The following VSNL1 variants were observed in gnomAD, a reference collection of about 807,000 sequenced individuals.
VSNL1 encodes visinin-like protein 1.
Under a neutral mutation model 20.4 loss-of-function variants are expected in VSNL1, and 6 were observed. That is an observed-to-expected ratio of 0.29 (90% CI 0.16 to 0.58). The LOEUF (loss-of-function observed/expected upper bound fraction) is 0.58. VSNL1 is among the 20% of genes least tolerant of loss of function. VSNL1 has a pLI of 0.90. For missense variants in VSNL1, 100 were observed against 234.5 expected, an observed-to-expected ratio of 0.43 and a Z score of 3.75; for synonymous variants, 93 against 86.4, an observed-to-expected ratio of 1.08 and a Z score of -0.42.
intron 1 of VSNL1, among the ~76,000 whole-genome samples, chr2:17,568,444 A>AT (rs1331855351): frequency 2.0e-5 from 3 of 152,138 alleles, no homozygotes; most frequent in East Asian, 3.9e-4. Context: ...GTATATACAT[A>AT]TTTTTTTAGT....
intron 2 of VSNL1, among the ~76,000 whole-genome samples, chr2:17,643,425 G>A (rs983061518): frequency 2.6e-5 from 4 of 152,258 alleles, no homozygotes; most frequent in Admixed American, 1.3e-4. Flanking sequence ...CAGCACAGCC[G>A]GCTTCAGGCA....
At chr2:17,601,880 G>A (rs1014711212) in intron 2 of VSNL1, among the ~76,000 whole-genome samples, 9 of 152,114 alleles carry the variant, frequency 5.9e-5, no homozygotes, top group African/African-American at 2.2e-4. Context: ...AGGTTGCAGT[G>A]AGCCGAGATT....
intron 2 of VSNL1, among the ~76,000 whole-genome samples, chr2:17,633,983 C>G (rs554691531): frequency 4.6e-5 from 7 of 152,096 alleles, no homozygotes; most frequent in Non-Finnish European, 8.8e-5. Flanking sequence ...TCCCATGGAT[C>G]GGCACCAGCT....
In VSNL1 at chr2:17,556,369, C is replaced by G. The variant is rs536811360; in HGVS notation, c.-6+15451C>G. Among the ~76,000 whole-genome samples the G allele has an allele frequency of 5.9e-5, 9 of 152,280 alleles. 1 individual carries two copies. In the South Asian group the frequency reaches 1.9e-3, roughly 32 times the overall value. ...TAAATTATTAAATATGCCAGTTCAT[C>G]ACTTCTTAAATCAATTGGATCATTA... On this transcript the variant is annotated intron_variant, in intron 1 of 3. Transcript: ENST00000295156.
At chr2:17,603,991 G>T (rs1030410921) in intron 2 of VSNL1, among the ~76,000 whole-genome samples, 2 of 152,158 alleles carry the variant, frequency 1.3e-5, no homozygotes, top group Admixed American at 6.5e-5. Flanking sequence ...CACCAGGGGG[G>T]TCAGCAGGTA....
In VSNL1 at chr2:17,555,511, A is replaced by G. The variant is rs189404568; in HGVS notation, c.-6+14593A>G. 3.6e-3 allele frequency among the ~76,000 whole-genome samples: 554 copies of G among 152,218 alleles called. 5 individuals carry two copies. Among genetic ancestry groups the G allele is most frequent in the Non-Finnish European group, 5.3e-3 (359 of 67,988 alleles). On this transcript the variant is annotated intron_variant, in intron 1 of 3. Transcript: ENST00000295156. ...CATAAATATCATCTTCATCATATCC[A>G]GTGGTAGTCTTCCTGAACAGTCTGT... is the stretch of plus-strand genomic sequence containing the variant.
In VSNL1 at chr2:17,656,895, C is replaced by G. The variant is rs139663193; in HGVS notation, c.*1501C>G. The stretch of plus-strand genomic sequence containing the variant: ...CACATATAGCTAGTGGCTTTAGTAA[C>G]AGACAGTTTAGTGCTATATTATTTA... On this transcript the variant is annotated 3_prime_UTR_variant, in exon 4 of 4. Coordinates refer to ENST00000295156, the MANE Select transcript of VSNL1 (RefSeq NM_003385.5). 1 of 152,196 alleles carries G rather than the reference C, an allele frequency of 6.6e-6. No homozygotes were observed. Among genetic ancestry groups the G allele is most frequent in the African/African-American group, 2.4e-5 (1 of 41,450 alleles). The allele number at this position is 152,196 out of a possible 1,614,324, so 9.4% of individuals were successfully genotyped here. A position where few individuals can be genotyped will look rare whatever the true frequency, so the allele number is the denominator to read the frequency against.
In VSNL1 at chr2:17,554,575, C is replaced by T. The variant is rs373298746; in HGVS notation, c.-6+13657C>T. 2.8e-3 allele frequency among the ~76,000 whole-genome samples: 429 copies of T among 152,010 alleles called. 5 individuals are homozygous for T. The South Asian group carries it at 0.039, about 14-fold the overall frequency. On this transcript the variant is annotated intron_variant, in intron 1 of 3. Coordinates refer to ENST00000295156, the MANE Select transcript of VSNL1 (RefSeq NM_003385.5). ...TTTCTAGTTTTTTAAACTCATTTAA[C>T]AAAACTCTAACAACCAGAACTAAAG...
Position 17,656,392 on chromosome 2 carries a change from C to T in VSNL1, c.*998C>T, listed in dbSNP as rs144414062. 2.3e-3 allele frequency: 355 copies of T among 151,616 alleles called. No homozygotes were observed. The highest frequency in any genetic ancestry group is 8.1e-3 in the African/African-American group (335 of 41,370). The allele number at this position is 151,616 out of a possible 1,614,324, so 9.4% of individuals were successfully genotyped here. ...AAAAGTAAAACAGATTTGTTCATTC[C>T]GAAAAAAAAATGTTCATTCTATGAC... On this transcript the variant is annotated 3_prime_UTR_variant, in exon 4 of 4. Coordinates refer to ENST00000295156, the MANE Select transcript of VSNL1 (RefSeq NM_003385.5).
chr2:17,629,983 T>A (rs1665596446), intron 2 of VSNL1, among the ~76,000 whole-genome samples: 1 of 152,014 alleles, frequency 6.6e-6, no homozygotes, highest in Admixed American at 6.5e-5. Context: ...CAAAAACAGG[T>A]TAAAGTGAAG....
chr2:17,596,563 T>C (rs1436163199), intron 2 of VSNL1, among the ~76,000 whole-genome samples: 1 of 152,192 alleles, frequency 6.6e-6, no homozygotes, highest in African/African-American at 2.4e-5. Context: ...GCCATTGCTA[T>C]TTTGCTTAGC....
At chr2:17,643,710 C>G (rs1665932091) in intron 2 of VSNL1, among the ~76,000 whole-genome samples, 1 of 152,104 alleles carries the variant, frequency 6.6e-6, no homozygotes, top group South Asian at 2.1e-4. Flanking sequence ...ACAAATGTTC[C>G]CTACAGTGAC....
intron 2 of VSNL1, among the ~76,000 whole-genome samples, chr2:17,603,693 G>C (rs1464146191): frequency 6.6e-6 from 1 of 152,186 alleles, no homozygotes; most frequent in Non-Finnish European, 1.5e-5. Context: ...TATACAAGGC[G>C]ATCAGATGGT....
chr2:17,586,121 C>T (rs1664468307), intron 1 of VSNL1, among the ~76,000 whole-genome samples: 1 of 152,132 alleles, frequency 6.6e-6, no homozygotes, highest in Admixed American at 6.5e-5. Flanking sequence ...TTTTGGAATT[C>T]TTAATGCTAG....
chr2:17,592,790 T>G (rs974745639), intron 2 of VSNL1, among the ~76,000 whole-genome samples: 1 of 151,094 alleles, frequency 6.6e-6, no homozygotes, highest in Admixed American at 6.6e-5. Flanking sequence ...GTCTACAACA[T>G]AGACAATAAC....
At chr2:17,563,736 A>G (rs1272985131) in intron 1 of VSNL1, among the ~76,000 whole-genome samples, 1 of 152,180 alleles carries the variant, frequency 6.6e-6, no homozygotes, top group Admixed American at 6.5e-5. Context: ...CTCAAAAAAA[A>G]GAAAAATACA....
chr2:17,602,671 C>A (rs528275670), intron 2 of VSNL1, among the ~76,000 whole-genome samples: 1 of 151,924 alleles, frequency 6.6e-6, no homozygotes, highest in African/African-American at 2.4e-5. Context: ...ACCTAGGAGG[C>A]GGCAGTTGCA....
At chr2:17,566,963 A>T (rs1366498203) in intron 1 of VSNL1, among the ~76,000 whole-genome samples, 1 of 152,070 alleles carries the variant, frequency 6.6e-6, no homozygotes, top group African/African-American at 2.4e-5. Context: ...GCCATTTTGT[A>T]TTTTTCCATT....
chr2:17,541,415 G>T (rs1479973012), intron 1 of VSNL1: 1 of 152,192 alleles, frequency 6.6e-6, no homozygotes, highest in Non-Finnish European at 1.5e-5. Flanking sequence ...TGAGCGGGAT[G>T]TTAGTGTTTA....
Sources: allele counts gnomAD v4.1 joint callset (sites outside exome capture counted in the v4.1 genomes callset), GRCh38; gene constraint gnomAD v4.1.1; transcripts MANE v1.5; gene names NCBI Gene and HGNC (gene_info 2026-07-23, HGNC 2026-07-21).